Variants in PPARGC1B observed in about 807,000 individuals in gnomAD.
PPARGC1B encodes the protein peroxisome proliferator-activated receptor gamma coactivator 1-beta.
PPARGC1B carries 34 observed loss-of-function variants against 101.6 expected under a neutral mutation model. The ratio of observed to expected loss-of-function variants is 0.33; its 90% CI spans 0.25 to 0.45. The LOEUF is 0.45. Ranked by LOEUF, PPARGC1B falls within the 20% of genes least tolerant of loss-of-function variation. PPARGC1B has a pLI of 1.00. For missense variants in PPARGC1B, 1,234 were observed against 1,317.6 expected, an observed-to-expected ratio of 0.94 and a Z score of 0.98; for synonymous variants, 548 against 539.3, an observed-to-expected ratio of 1.02 and a Z score of -0.22.
rs138141314 is a variant in PPARGC1B, at chr5:149,819,795, G to A, written c.79-638G>A. Among the ~76,000 whole-genome samples, 13 of 152,338 alleles carry A rather than the reference G, an allele frequency of 8.5e-5. No individual in the cohort carries two copies. The East Asian group carries it at 2.3e-3, about 27-fold the overall frequency. On this transcript the variant is annotated intron_variant, in intron 1 of 11. Coordinates refer to ENST00000309241, the MANE Select transcript of PPARGC1B (RefSeq NM_133263.4). The stretch of plus-strand genomic sequence containing the variant: ...TGGGATTACAGGCATGAGCCACCAT[G>A]CCCGGCCCGTGATACGGGTGTTTTA...
At chr5:149,737,668 T>C (rs1247541167) in intron 1 of PPARGC1B, among the ~76,000 whole-genome samples, 1 of 152,218 alleles carries the variant, frequency 6.6e-6, no homozygotes, top group African/African-American at 2.4e-5. Flanking sequence ...TGAGCTTCTG[T>C]TTCCTGAAGT....
At chr5:149,845,697 G>A in intron 10 of PPARGC1B, 63 bp from the exon 11 acceptor site, 1 of 1,508,300 alleles carries the variant, frequency 6.6e-7, no homozygotes, top group South Asian at 1.3e-5. Flanking sequence ...TCTAGTAATG[G>A]GTGGTCTCAC....
At chr5:149,795,426 C>T (rs1757173567) in intron 1 of PPARGC1B, among the ~76,000 whole-genome samples, 1 of 152,158 alleles carries the variant, frequency 6.6e-6, no homozygotes, top group Non-Finnish European at 1.5e-5. Context: ...TCTTTTTCCA[C>T]CTGGGGCTCT....
At chr5:149,754,396 G>A (rs1342195986) in intron 1 of PPARGC1B, among the ~76,000 whole-genome samples, 1 of 152,114 alleles carries the variant, frequency 6.6e-6, no homozygotes, top group African/African-American at 2.4e-5. Flanking sequence ...CTACCCTCTG[G>A]GTGAGCTTGA....
intron 9 of PPARGC1B, among the ~76,000 whole-genome samples, chr5:149,841,081 A>C (rs1304170138): frequency 6.6e-6 from 1 of 152,220 alleles, no homozygotes; most frequent in Non-Finnish European, 1.5e-5. Context: ...GAGAGATAAT[A>C]GACTCATAAA....
chr5:149,755,763 C>T (rs1175070640), intron 1 of PPARGC1B, among the ~76,000 whole-genome samples: 2 of 151,780 alleles, frequency 1.3e-5, no homozygotes, highest in African/African-American at 4.8e-5. Context: ...CTTGCCTCAG[C>T]CTCCCAAGTA....
chr5:149,838,506 GCT>G (rs1190087593), intron 8 of PPARGC1B, among the ~76,000 whole-genome samples: 1 of 152,156 alleles, frequency 6.6e-6, no homozygotes, highest in East Asian at 1.9e-4. Flanking sequence ...GCCTTGCTTT[GCT>G]GTGAGCTAAA....
chr5:149,733,495 T>C (rs1754580530), intron 1 of PPARGC1B, among the ~76,000 whole-genome samples: 2 of 152,246 alleles, frequency 1.3e-5, no homozygotes, highest in Admixed American at 1.3e-4. Flanking sequence ...CCAAGCACTT[T>C]GTGTGAGTCT....
intron 4 of PPARGC1B, 75 bp downstream of exon 4, chr5:149,830,958 G>A (rs1454411823): frequency 4.6e-5 from 47 of 1,023,738 alleles, no homozygotes; most frequent in Non-Finnish European, 6.8e-5. Flanking sequence ...GTGGAGGATA[G>A]CGAGTTCAGT....
At chr5:149,795,825 C>T (rs1244623289) in intron 1 of PPARGC1B, among the ~76,000 whole-genome samples, 1 of 151,858 alleles carries the variant, frequency 6.6e-6, no homozygotes, top group Non-Finnish European at 1.5e-5. Context: ...CACAGTATAA[C>T]AGTGATTAAG....
chr5:149,809,447 A>C, intron 1 of PPARGC1B, among the ~76,000 whole-genome samples: 1 of 135,208 alleles, frequency 7.4e-6, no homozygotes, highest in Non-Finnish European at 1.6e-5. Context: ...TACCATAGAT[A>C]GATAGATAGA....
rs1480172032 is a variant in PPARGC1B at position 149,837,741 on chromosome 5, A to G, written c.2618+668A>G. ...GGCAGAAAAAATGGAGGTTTGGCAGATTCAGAGGGTACTGGTTGCTCCTCT... is the reference window on the plus strand; with the variant it reads ...GGCAGAAAAAATGGAGGTTTGGCAGGTTCAGAGGGTACTGGTTGCTCCTCT... On this transcript the variant is annotated intron_variant, in intron 8 of 11. Transcript: ENST00000309241. This position sits in a 1 kb window ranked among gnomAD's most constrained non-coding sequence, Gnocchi z 4.2. 6.6e-6 allele frequency among the ~76,000 whole-genome samples: 1 copy of G among 152,220 alleles called. No homozygotes were observed. The highest frequency in any genetic ancestry group is 6.5e-5 in the Admixed American group (1 of 15,292).
At chr5:149,822,220 C>A (rs1390265007) in intron 2 of PPARGC1B, among the ~76,000 whole-genome samples, 1 of 152,146 alleles carries the variant, frequency 6.6e-6, no homozygotes. Flanking sequence ...GAAAACCATC[C>A]CCACTGAGAC....
chr5:149,740,464 C>T (rs1754871442), intron 1 of PPARGC1B, among the ~76,000 whole-genome samples: 1 of 152,156 alleles, frequency 6.6e-6, no homozygotes, highest in African/African-American at 2.4e-5. Context: ...GTTCTTCTTG[C>T]AGAGTGTTTT....
intron 1 of PPARGC1B, among the ~76,000 whole-genome samples, chr5:149,771,512 A>T (rs899573860): frequency 6.6e-6 from 1 of 152,198 alleles, no homozygotes; most frequent in East Asian, 1.9e-4. Flanking sequence ...CTATGGAGAT[A>T]TTCTAGTCAG....
At chr5:149,800,829 T>C (rs1274585863) in intron 1 of PPARGC1B, among the ~76,000 whole-genome samples, 2 of 152,266 alleles carry the variant, frequency 1.3e-5, no homozygotes, top group Non-Finnish European at 2.9e-5. Flanking sequence ...AAATGGGTTC[T>C]GGATGCTTTT....
downstream of PPARGC1B, among the ~76,000 whole-genome samples, chr5:149,856,245 T>G (rs543660395): frequency 2.6e-5 from 4 of 152,346 alleles, no homozygotes; most frequent in Admixed American, 6.5e-5. Flanking sequence ...TTCAGGTGAT[T>G]TATTTTCCCC....
chr5:149,753,787 CACA>C (rs1581014122), intron 1 of PPARGC1B, among the ~76,000 whole-genome samples: 1 of 150,598 alleles, frequency 6.6e-6, no homozygotes, highest in Non-Finnish European at 1.5e-5. Context: ...TTTGCCTCCC[CACA>C]ACAAGCAATT....
At chr5:149,823,983 C>T (rs1310781983) in intron 2 of PPARGC1B, among the ~76,000 whole-genome samples, 3 of 152,138 alleles carry the variant, frequency 2.0e-5, no homozygotes, top group Non-Finnish European at 2.9e-5. Context: ...GGCTTTATTC[C>T]TCCCCTGCCA....
Sources: gnomAD v4.1 joint callset for allele counts (sites outside exome capture counted in the v4.1 genomes callset) on GRCh38, gnomAD v4.1.1 for gene constraint, Gnocchi (gnomAD v3.1) non-coding constraint, MANE v1.5 for transcripts, NCBI Gene and HGNC (gene_info 2026-07-23, HGNC 2026-07-21) for gene names.